The following SIRPA variants were observed in gnomAD, a reference collection of about 807,000 sequenced individuals.
SIRPA encodes the protein tyrosine-protein phosphatase non-receptor type substrate 1.
In SIRPA, 9 loss-of-function variants were observed where a neutral mutation model predicts 50.3. The observed-to-expected ratio is 0.18, with a 90% CI of 0.11 to 0.31. The LOEUF is 0.31. SIRPA is among the 10% of genes least tolerant of loss of function. The pLI, the probability that SIRPA is intolerant of heterozygous loss-of-function variation, is 1.00. For missense variants in SIRPA, 474 were observed against 661.6 expected, an observed-to-expected ratio of 0.72 and a Z score of 3.11; for synonymous variants, 265 against 284.1, an observed-to-expected ratio of 0.93 and a Z score of 0.68.
rs552438093 is a variant in SIRPA, at chr20:1,928,861, A to G, written c.1226+962A>G. On this transcript the variant is annotated intron_variant, in intron 6 of 7. Transcript: ENST00000358771. This position sits in a 1 kb window ranked among gnomAD's most constrained non-coding sequence, Gnocchi z 4.9. ...CCTGCAGTCAGAGGTGTTACGAACTATTCTGTGAAAAGCCTTTATCGGCTT... is the reference window on the plus strand; with the variant it reads ...CCTGCAGTCAGAGGTGTTACGAACTGTTCTGTGAAAAGCCTTTATCGGCTT... 5.9e-5 allele frequency among the ~76,000 whole-genome samples: 9 copies of G among 152,322 alleles called. No homozygotes were observed. The South Asian group carries it at 8.3e-4, about 14-fold the overall frequency.
intron 1 of SIRPA, among the ~76,000 whole-genome samples, chr20:1,911,649 C>A (rs889581494): frequency 2.0e-5 from 3 of 152,140 alleles, no homozygotes; most frequent in Admixed American, 6.6e-5. Flanking sequence ...CCTCAGGGAG[C>A]AGCCCAGCAA....
At chr20:1,905,270 C>T (rs1233668562) in intron 1 of SIRPA, among the ~76,000 whole-genome samples, 6 of 152,288 alleles carry the variant, frequency 3.9e-5, no homozygotes, top group African/African-American at 1.4e-4. Context: ...GCATCCTTGG[C>T]AACCTGAGAA....
intron 1 of SIRPA, among the ~76,000 whole-genome samples, chr20:1,900,455 T>C (rs1984121207): frequency 6.6e-6 from 1 of 152,136 alleles, no homozygotes; most frequent in African/African-American, 2.4e-5. Flanking sequence ...GCTAGAGTGA[T>C]TTAATTGCCT....
At chr20:1,929,700 C>A (rs1986190108) in intron 6 of SIRPA, among the ~76,000 whole-genome samples, 1 of 152,148 alleles carries the variant, frequency 6.6e-6, no homozygotes. Context: ...ACAAGCAGAG[C>A]CGCCTCTCCA....
intron 1 of SIRPA, 94 bp downstream of exon 1, chr20:1,895,620 C>A: frequency 1.0e-6 from 1 of 973,102 alleles, no homozygotes; most frequent in Non-Finnish European, 1.4e-6. Context: ...TAATGCCGAG[C>A]AGTAATAGGG....
Position 1,937,795 on chromosome 20 carries a change from C to T in SIRPA, c.*227C>T, listed in dbSNP as rs1169353574. 13 of 594,646 alleles carry T rather than the reference C, an allele frequency of 2.2e-5. No homozygotes were observed. Among genetic ancestry groups the T allele is most frequent in the East Asian group, 5.7e-5 (2 of 35,232 alleles). The allele number at this position is 594,646 out of a possible 1,614,324, so 36.8% of individuals were successfully genotyped here. Reference sequence around the variant, plus strand: ...ACATTGCCACATACCTGGAGGCTGACGTTGCCAAACCAGCCAGGGAACCAA... The same window carrying T: ...ACATTGCCACATACCTGGAGGCTGATGTTGCCAAACCAGCCAGGGAACCAA... On this transcript the variant is annotated 3_prime_UTR_variant, in exon 8 of 8. Transcript: ENST00000358771. The surrounding 1 kb of genome is among the most constrained non-coding windows in gnomAD (Gnocchi z 8.3).
intron 7 of SIRPA, among the ~76,000 whole-genome samples, chr20:1,935,596 A>G (rs1986533319): frequency 6.6e-6 from 1 of 152,250 alleles, no homozygotes; most frequent in South Asian, 2.1e-4. Context: ...TTAAGAAAAA[A>G]CAATTTCCAG....
At chr20:1,935,593 A>G (rs1051733015) in intron 7 of SIRPA, among the ~76,000 whole-genome samples, 3 of 152,268 alleles carry the variant, frequency 2.0e-5, no homozygotes, top group African/African-American at 7.2e-5. Context: ...TAATTAAGAA[A>G]AAACAATTTC....
At position 1,898,332 on chromosome 20, in the gene SIRPA, C is replaced by CGA. The variant is rs1983951273; in HGVS notation, c.79+2806_79+2807insGA. On this transcript the variant is annotated intron_variant, in intron 1 of 7. Transcript: ENST00000358771. The surrounding 1 kb of genome is among the most constrained non-coding windows in gnomAD (Gnocchi z 4.3). ...AGTTCCTTTAAAGCCATAGTTTTCT[C>CGA]TGAGTACTTTCTGGCCTTTACCAAC... 6.6e-6 allele frequency among the ~76,000 whole-genome samples: 1 copy of CGA among 152,208 alleles called. No individual in the cohort carries two copies. The highest frequency in any genetic ancestry group is 1.5e-5 in the Non-Finnish European group (1 of 68,038).
chr20:1,911,432 A>G (rs931941050), intron 1 of SIRPA, among the ~76,000 whole-genome samples: 4 of 152,200 alleles, frequency 2.6e-5, no homozygotes, highest in African/African-American at 7.2e-5. Flanking sequence ...TTTTATTTGC[A>G]TAAACACAAT....
At position 1,927,838 on chromosome 20, in the gene SIRPA, A is replaced by C; in HGVS notation, c.1202-37A>C. 1 of 1,608,146 alleles carries C rather than the reference A, an allele frequency of 6.2e-7. No homozygotes were observed. The highest frequency in any genetic ancestry group is 8.5e-7 in the Non-Finnish European group (1 of 1,174,554). Reference sequence around the variant, plus strand: ...AGTTACATAAGAAAAGTGTGCTTCTAGTTAAACAACTGGCTTTTGTTTCTT... The same window carrying C: ...AGTTACATAAGAAAAGTGTGCTTCTCGTTAAACAACTGGCTTTTGTTTCTT... On this transcript the variant is annotated intron_variant, in intron 5 of 7. Coordinates refer to ENST00000358771, the MANE Select transcript of SIRPA (RefSeq NM_001040023.2). The surrounding 1 kb of genome is among the most constrained non-coding windows in gnomAD (Gnocchi z 6.5).
chr20:1,922,100 G>C (rs2123153437), intron 3 of SIRPA, among the ~76,000 whole-genome samples: 1 of 152,282 alleles, frequency 6.6e-6, no homozygotes, highest in African/African-American at 2.4e-5. Context: ...AGCCTAGTAG[G>C]AGCTACCAGT....
chr20:1,895,445 C>A lies in SIRPA; in HGVS notation c.-3C>A. On this transcript the variant is annotated 5_prime_UTR_variant, in exon 1 of 8. Coordinates refer to ENST00000358771, the MANE Select transcript of SIRPA (RefSeq NM_001040023.2). ...CTCCCTCCTCGCTCCGCAGCCGCGG[C>A]CCATGGAGCCCGCCGGCCCGGCCCC... The A allele has an allele frequency of 7.1e-7, 1 of 1,408,470 alleles. No individual in the cohort carries two copies. Among genetic ancestry groups the A allele is most frequent in the South Asian group, 1.5e-5 (1 of 65,122 alleles). The allele number at this position is 1,408,470 out of a possible 1,614,324, so 87.2% of individuals were successfully genotyped here.
Position 1,937,629 on chromosome 20 carries a change from G to A in SIRPA, c.*61G>A, listed in dbSNP as rs143865869. The A allele has an allele frequency of 1.7e-4, 274 of 1,577,172 alleles. No individual in the cohort carries two copies. In the East Asian group the frequency reaches 2.7e-3, roughly 16 times the overall value. ...GCGCTTTCTTGTCCCACAGGGAGCC[G>A]CCGTGATGAGCACAGCCAACCCAGT... On this transcript the variant is annotated 3_prime_UTR_variant, in exon 8 of 8. Transcript: ENST00000358771. The surrounding 1 kb of genome is among the most constrained non-coding windows in gnomAD (Gnocchi z 8.3).
chr20:1,899,405 T>C (rs1004565054), intron 1 of SIRPA, among the ~76,000 whole-genome samples: 1 of 152,132 alleles, frequency 6.6e-6, no homozygotes, highest in Non-Finnish European at 1.5e-5. Flanking sequence ...AGCCCTGCAA[T>C]GTAGAATCCC....
rs146665368 is a variant in SIRPA at position 1,901,050 on chromosome 20, C to T, written c.79+5524C>T. 6.6e-5 allele frequency among the ~76,000 whole-genome samples: 10 copies of T among 152,196 alleles called. No homozygotes were observed. In the East Asian group the frequency reaches 1.2e-3, roughly 18 times the overall value. On this transcript the variant is annotated intron_variant, in intron 1 of 7. Coordinates refer to ENST00000358771, the MANE Select transcript of SIRPA (RefSeq NM_001040023.2). The stretch of plus-strand genomic sequence containing the variant: ...GTTAACTGTTGTGCCATTCCTTAGC[C>T]GTCACTGAGGCTTGCTTGACAGGTA...
At chr20:1,914,983 A>T in intron 1 of SIRPA, 116 bp from the exon 2 acceptor site, 2 of 874,492 alleles carry the variant, frequency 2.3e-6, no homozygotes, top group Non-Finnish European at 3.6e-6. Flanking sequence ...CACTATACTG[A>T]TCTCACAGCC....
chr20:1,922,603 G>A lies in SIRPA; in HGVS notation c.1045G>A (p.Val349Ile), dbSNP rs773473733. The change falls in exon 4 of 8, where the codon GTC becomes ATC. Residue 349 changes from valine to isoleucine, a missense_variant. Coordinates refer to ENST00000358771, the MANE Select transcript of SIRPA (RefSeq NM_001040023.2). ...GGTCAGCAAAAGCCATGACCTGAAG[G>A]TCTCAGCCCACCCGAAGGAGCAGGG... ...PAVSKSHDLKVSAHPKEQGSN... is the reference protein window; with the variant it reads ...PAVSKSHDLKISAHPKEQGSN... The A allele has an allele frequency of 1.9e-6, 3 of 1,613,910 alleles. No individual in the cohort carries two copies. The highest frequency in any genetic ancestry group is 2.7e-5 in the African/African-American group (2 of 75,054).
chr20:1,904,121 C>T (rs549932014), intron 1 of SIRPA, among the ~76,000 whole-genome samples: 2 of 152,164 alleles, frequency 1.3e-5, no homozygotes, highest in African/African-American at 2.4e-5. Flanking sequence ...CACAGTCCCC[C>T]CCCTGCAGCC....
Sources: gnomAD v4.1 joint callset for allele counts (sites outside exome capture counted in the v4.1 genomes callset) on GRCh38, gnomAD v4.1.1 for gene constraint, Gnocchi (gnomAD v3.1) non-coding constraint, MANE v1.5 for transcripts, NCBI Gene and HGNC (gene_info 2026-07-23, HGNC 2026-07-21) for gene names.